Variants in PLCG2 observed in about 807,000 individuals in gnomAD.
PLCG2 encodes the protein 1-phosphatidylinositol 4,5-bisphosphate phosphodiesterase gamma-2.
A neutral mutation model predicts 175.6 loss-of-function variants in PLCG2; 69 were observed. The ratio of observed to expected loss-of-function variants is 0.39; its 90% CI spans 0.32 to 0.48. The LOEUF (loss-of-function observed/expected upper bound fraction) is 0.48. PLCG2 is among the 20% of genes least tolerant of loss of function. The pLI, the probability that PLCG2 is intolerant of heterozygous loss-of-function variation, is 0.91. For missense variants in PLCG2, 1,798 were observed against 1,650.9 expected (o/e 1.09, Z -1.54); for synonymous variants, 827 against 624.0 (o/e 1.33, Z -4.85).
intron 13 of PLCG2, among the ~76,000 whole-genome samples, chr16:81,896,537 C>T (rs939125169): frequency 4.0e-5 from 6 of 151,842 alleles, no homozygotes; most frequent in African/African-American, 1.5e-4. Flanking sequence ...CACATTGCGC[C>T]ACTGCACTGC....
At chr16:81,816,370 C>CA (rs570591899) in intron 2 of PLCG2, among the ~76,000 whole-genome samples, 7 of 152,150 alleles carry the variant, frequency 4.6e-5, no homozygotes, top group African/African-American at 1.7e-4. Context: ...GGCCCTGTCT[C>CA]AAAAAACAAA....
chr16:81,775,758 T>C (rs1343113921), upstream of PLCG2, among the ~76,000 whole-genome samples: 1 of 152,196 alleles, frequency 6.6e-6, no homozygotes. Flanking sequence ...TTATTCTTTC[T>C]TACCTATCCA....
intron 13 of PLCG2, among the ~76,000 whole-genome samples, chr16:81,896,616 A>T (rs974857550): frequency 6.6e-6 from 1 of 152,114 alleles, no homozygotes; most frequent in East Asian, 1.9e-4. Context: ...CCAAAAAAAA[A>T]GTGAGGCAAG....
intron 2 of PLCG2, among the ~76,000 whole-genome samples, chr16:81,771,505 C>G (rs1240699997): frequency 6.6e-6 from 1 of 152,200 alleles, no homozygotes; most frequent in Non-Finnish European, 1.5e-5. Context: ...TCTGAGAAGT[C>G]TTCGCAGCTC....
rs545380414 is a variant in PLCG2, at chr16:81,952,956, C to T, written c.3571-3739C>T. 5.3e-5 allele frequency among the ~76,000 whole-genome samples: 8 copies of T among 152,238 alleles called. No individual in the cohort carries two copies. The East Asian group carries it at 5.8e-4, about 11-fold the overall frequency. On this transcript the variant is annotated intron_variant, in intron 31 of 32. Coordinates refer to ENST00000564138, the MANE Select transcript of PLCG2 (RefSeq NM_002661.5). ...GCTACCATCTTAATCAGATGATCAA[C>T]GTTACCAACCACCTGGAATAAGGCA...
At chr16:81,828,427 A>T (rs1905132443) in intron 2 of PLCG2, among the ~76,000 whole-genome samples, 1 of 151,618 alleles carries the variant, frequency 6.6e-6, no homozygotes, top group Non-Finnish European at 1.5e-5. Flanking sequence ...TTTAGTAGAG[A>T]CTGGGTTTCA....
chr16:81,810,447 A>G (rs1904308192), intron 2 of PLCG2, among the ~76,000 whole-genome samples: 1 of 152,078 alleles, frequency 6.6e-6, no homozygotes. Flanking sequence ...CTTATTTGCA[A>G]CCTGCAAACC....
rs150594348 is a variant in PLCG2, at chr16:81,853,563, C to G, written c.194-881C>G. Among the ~76,000 whole-genome samples the G allele has an allele frequency of 9.2e-4, 140 of 152,308 alleles. 1 individual carries two copies. The highest frequency in any genetic ancestry group is 3.3e-3 in the African/African-American group (137 of 41,564). ...TAAGGACCACACAACCTGGATCCCT[C>G]GCATGCGTAGTTCACCGTAGGGTTT... On this transcript the variant is annotated intron_variant, in intron 2 of 32. Coordinates refer to ENST00000564138, the MANE Select transcript of PLCG2 (RefSeq NM_002661.5).
intron 2 of PLCG2, among the ~76,000 whole-genome samples, chr16:81,765,632 A>G (rs773404959): frequency 2.3e-5 from 1 of 43,022 alleles, no homozygotes; most frequent in Non-Finnish European, 9.1e-5. Flanking sequence ...CTCGGTCTCA[A>G]TAAATAAATA....
At chr16:81,887,807 C>T (rs1386270164) in intron 9 of PLCG2, among the ~76,000 whole-genome samples, 1 of 152,182 alleles carries the variant, frequency 6.6e-6, no homozygotes, top group Non-Finnish European at 1.5e-5. Flanking sequence ...TCCCCTTTTC[C>T]TATGAATATT....
chr16:81,846,303 C>T (rs547638042), intron 2 of PLCG2, among the ~76,000 whole-genome samples: 13 of 152,268 alleles, frequency 8.5e-5, no homozygotes, highest in African/African-American at 2.2e-4. Context: ...GACATCCCCC[C>T]GCCACTCCCT....
At chr16:81,868,474 T>C (rs7196695) in intron 5 of PLCG2, among the ~76,000 whole-genome samples, 107,126 of 152,174 alleles carry the variant, frequency 0.7, 38,908 homozygotes, top group East Asian at 0.99. Flanking sequence ...GGGTCTTTCC[T>C]GGCTGATTCT....
chr16:81,934,955 A>T (rs1042712125), intron 26 of PLCG2, among the ~76,000 whole-genome samples: 2 of 152,062 alleles, frequency 1.3e-5, no homozygotes, highest in African/African-American at 4.8e-5. Context: ...ATTATCTCCT[A>T]TCGGGTCCCT....
chr16:81,950,852 C>T (rs1911338097), intron 31 of PLCG2, among the ~76,000 whole-genome samples: 1 of 152,138 alleles, frequency 6.6e-6, no homozygotes, highest in Non-Finnish European at 1.5e-5. Flanking sequence ...GACGTATGTA[C>T]TACTAAGTAT....
intron 2 of PLCG2, among the ~76,000 whole-genome samples, chr16:81,833,451 C>T (rs1905353261): frequency 6.6e-6 from 1 of 151,252 alleles, no homozygotes; most frequent in Non-Finnish European, 1.5e-5. Context: ...CTGGAAGCCC[C>T]TGGCCTCTCC....
At chr16:81,821,109 C>T (rs1403041519) in intron 2 of PLCG2, among the ~76,000 whole-genome samples, 1 of 152,248 alleles carries the variant, frequency 6.6e-6, no homozygotes, top group African/African-American at 2.4e-5. Context: ...CTAGGCTGGT[C>T]TAGAACTCCT....
chr16:81,763,549 T>C (rs1455213659), intron 2 of PLCG2, among the ~76,000 whole-genome samples: 1 of 152,232 alleles, frequency 6.6e-6, no homozygotes, highest in Non-Finnish European at 1.5e-5. Flanking sequence ...CTCTCCAGCA[T>C]GGTGAGGTCA....
intron 6 of PLCG2, among the ~76,000 whole-genome samples, chr16:81,870,602 C>G (rs80278285): frequency 6.6e-6 from 1 of 152,064 alleles, no homozygotes; most frequent in Admixed American, 6.6e-5. Flanking sequence ...GATTAGGGAA[C>G]GTGTGGAGGG....
chr16:81,829,864 G>C (rs976463432), intron 2 of PLCG2, among the ~76,000 whole-genome samples: 3 of 151,854 alleles, frequency 2.0e-5, no homozygotes, highest in Admixed American at 1.3e-4. Flanking sequence ...ACCTCTGAGT[G>C]GGGGGGCGTG....
Sources: gnomAD v4.1 joint callset for allele counts (sites outside exome capture counted in the v4.1 genomes callset) on GRCh38, gnomAD v4.1.1 for gene constraint, MANE v1.5 for transcripts, NCBI Gene and HGNC (gene_info 2026-07-23, HGNC 2026-07-21) for gene names.